Variants in GRIK4 observed in about 807,000 individuals in gnomAD.
The protein encoded by GRIK4 is glutamate receptor ionotropic, kainate 4.
GRIK4 carries 40 observed loss-of-function variants against 104.9 expected under a neutral mutation model. The observed-to-expected ratio is 0.38, with a 90% confidence interval of 0.30 to 0.50. The LOEUF is 0.50. Among genes scored for constraint, GRIK4 ranks in the 20% least tolerant of loss-of-function variants. The probability of loss-of-function intolerance (pLI) is 0.93; values close to 1 mark genes in which losing one functional copy is unlikely to be tolerated. For missense variants in GRIK4, 1,047 were observed against 1,308.1 expected, an observed-to-expected ratio of 0.80 and a Z score of 3.08; for synonymous variants, 485 against 524.9, an observed-to-expected ratio of 0.92 and a Z score of 1.04.
intron 16 of GRIK4, among the ~76,000 whole-genome samples, chr11:120,960,707 T>A (rs371090518): frequency 6.6e-6 from 1 of 152,232 alleles, no homozygotes; most frequent in African/African-American, 2.4e-5. Flanking sequence ...ATCAACTGTC[T>A]TCTTCCAGGC....
intron 3 of GRIK4, among the ~76,000 whole-genome samples, chr11:120,701,102 A>G (rs1490074680): frequency 6.6e-6 from 1 of 152,236 alleles, no homozygotes; most frequent in African/African-American, 2.4e-5. Context: ...ATGTTCACAC[A>G]ATGACTAAAT....
chr11:120,671,579 G>T (rs1447408594), intron 3 of GRIK4, among the ~76,000 whole-genome samples: 3 of 152,040 alleles, frequency 2.0e-5, no homozygotes, highest in Non-Finnish European at 4.4e-5. Flanking sequence ...GGGGTTGTTT[G>T]TTTTTTTCTT....
intron 13 of GRIK4, among the ~76,000 whole-genome samples, chr11:120,927,078 A>T (rs1383916052): frequency 6.6e-6 from 1 of 152,072 alleles, no homozygotes; most frequent in African/African-American, 2.4e-5. Context: ...TGGAAAGTGA[A>T]CTTGTCATGT....
intron 2 of GRIK4, among the ~76,000 whole-genome samples, chr11:120,655,961 A>G (rs972252676): frequency 1.3e-5 from 2 of 152,096 alleles, no homozygotes; most frequent in Non-Finnish European, 1.5e-5. Context: ...TCTGGGCTTG[A>G]GCTGTAGATG....
intron 1 of GRIK4, among the ~76,000 whole-genome samples, chr11:120,538,077 A>T (rs935935382): frequency 1.3e-5 from 2 of 152,252 alleles, no homozygotes; most frequent in African/African-American, 4.8e-5. Flanking sequence ...CTTATATTGC[A>T]CTTTCTAACG....
chr11:120,905,503 G>A lies in GRIK4; in HGVS notation c.1476+10G>A, dbSNP rs1423305852. On this transcript the variant is annotated intron_variant, in intron 13 of 20. Transcript: ENST00000527524. The surrounding 1 kb of genome is among the most constrained non-coding windows in gnomAD (Gnocchi z 5.1). ...GGAGCTGATCGCTAGGGTAAGGAGA[G>A]GACAAGTGATCTGGGCCTGAGGGTG... 8 of 1,417,766 alleles carry A rather than the reference G, an allele frequency of 5.6e-6. No homozygotes were observed. The highest frequency in any genetic ancestry group is 2.8e-5 in the African/African-American group (2 of 70,896). The allele number at this position is 1,417,766 out of a possible 1,614,324, so 87.8% of individuals were successfully genotyped here. A position where few individuals can be genotyped will look rare whatever the true frequency, so the allele number is the denominator to read the frequency against.
intron 1 of GRIK4, among the ~76,000 whole-genome samples, chr11:120,567,223 G>A (rs1200663476): frequency 6.6e-6 from 1 of 151,920 alleles, no homozygotes; most frequent in African/African-American, 2.4e-5. Context: ...GCAGTGGTGC[G>A]ATCATGGCTC....
intron 3 of GRIK4, among the ~76,000 whole-genome samples, chr11:120,772,568 G>A (rs1313727124): frequency 6.6e-6 from 1 of 152,138 alleles, no homozygotes; most frequent in Non-Finnish European, 1.5e-5. Context: ...TTCAACTCAG[G>A]CTAAGGAGGT....
intron 14 of GRIK4, among the ~76,000 whole-genome samples, chr11:120,941,419 C>T (rs543082861): frequency 3.0e-4 from 46 of 152,284 alleles, no homozygotes; most frequent in Non-Finnish European, 6.0e-4. Context: ...AAAAGGAGAT[C>T]GTCCACCTTT....
Position 120,568,642 on chromosome 11 carries a change from C to A in GRIK4, c.-159+56755C>A, listed in dbSNP as rs1948360568. Among the ~76,000 whole-genome samples, 2 of 152,120 alleles carry A rather than the reference C, an allele frequency of 1.3e-5. 1 individual carries two copies. The highest frequency in any genetic ancestry group is 4.2e-4 in the South Asian group (2 of 4,818). On this transcript the variant is annotated intron_variant, in intron 1 of 20. Coordinates refer to ENST00000527524, the MANE Select transcript of GRIK4 (RefSeq NM_014619.5). ...GCCTCAAGTGATCCACCTACCTCGGCCCCCCAAAGTGCTGGGATTACAGGT... is the reference window on the plus strand; with the variant it reads ...GCCTCAAGTGATCCACCTACCTCGGACCCCCAAAGTGCTGGGATTACAGGT...
At chr11:120,631,448 G>A (rs1949332297) in intron 1 of GRIK4, among the ~76,000 whole-genome samples, 1 of 152,186 alleles carries the variant, frequency 6.6e-6, no homozygotes, top group African/African-American at 2.4e-5. Context: ...GATGCCCAGT[G>A]TAGGTGGTTG....
chr11:120,685,592 G>A (rs543647599), intron 3 of GRIK4, among the ~76,000 whole-genome samples: 6 of 152,202 alleles, frequency 3.9e-5, no homozygotes, highest in South Asian at 4.2e-4. Flanking sequence ...GGGGCAGGCC[G>A]GCTTTTTCTC....
intron 11 of GRIK4, among the ~76,000 whole-genome samples, chr11:120,891,856 T>C (rs1251715753): frequency 1.3e-5 from 2 of 152,090 alleles, no homozygotes; most frequent in Non-Finnish European, 2.9e-5. Context: ...GATTAACAGA[T>C]GTAAAGTAGA....
chr11:120,758,348 GC>G (rs1951688266), intron 3 of GRIK4, among the ~76,000 whole-genome samples: 1 of 152,196 alleles, frequency 6.6e-6, no homozygotes, highest in South Asian at 2.1e-4. Context: ...TTTCCCAAAG[GC>G]CCTAAGCCAG....
At chr11:120,725,956 T>C (rs1188314132) in intron 3 of GRIK4, among the ~76,000 whole-genome samples, 2 of 152,194 alleles carry the variant, frequency 1.3e-5, no homozygotes, top group Admixed American at 6.5e-5. Flanking sequence ...ATGAATAAGA[T>C]AATTTCAGGC....
chr11:120,896,449 C>G (rs896070370), intron 11 of GRIK4, among the ~76,000 whole-genome samples: 10 of 152,378 alleles, frequency 6.6e-5, no homozygotes, highest in African/African-American at 2.4e-4. Context: ...ATGGGGACAG[C>G]TGCCCACCCT....
At chr11:120,792,374 G>A (rs1356045465) in intron 3 of GRIK4, among the ~76,000 whole-genome samples, 1 of 151,662 alleles carries the variant, frequency 6.6e-6, no homozygotes, top group African/African-American at 2.4e-5. Context: ...GTGCCGTGCT[G>A]AGGAATTCCA....
intron 1 of GRIK4, among the ~76,000 whole-genome samples, chr11:120,640,578 G>C (rs1374352936): frequency 6.6e-6 from 1 of 152,066 alleles, no homozygotes; most frequent in Non-Finnish European, 1.5e-5. Context: ...ACTTTTTCAA[G>C]GTATAATATG....
Position 120,956,001 on chromosome 11 carries a change from C to A in GRIK4, c.1701-779C>A, listed in dbSNP as rs549154647. Among the ~76,000 whole-genome samples, 182 of 152,210 alleles carry A rather than the reference C, an allele frequency of 1.2e-3. No homozygotes were observed. The highest frequency in any genetic ancestry group is 4.2e-3 in the African/African-American group (175 of 41,534). On this transcript the variant is annotated intron_variant, in intron 15 of 20. Transcript: ENST00000527524. The surrounding 1 kb of genome is among the most constrained non-coding windows in gnomAD (Gnocchi z 4.6). ...GCAGAAGCATTGAGGCTGGGCCCAG[C>A]CATCTGTGTCAGCACACCGGCTTGG...
Sources: gnomAD v4.1 joint callset for allele counts (sites outside exome capture counted in the v4.1 genomes callset) on GRCh38, gnomAD v4.1.1 for gene constraint, Gnocchi (gnomAD v3.1) non-coding constraint, MANE v1.5 for transcripts, NCBI Gene and HGNC (gene_info 2026-07-23, HGNC 2026-07-21) for gene names.